Variants in RYR2 observed in about 807,000 individuals in gnomAD.
The protein encoded by RYR2 is cardiac muscle ryanodine receptor-calcium release channel.
A neutral mutation model predicts 601.1 loss-of-function variants in RYR2; 227 were observed. The observed-to-expected ratio is 0.38, with a 90% CI of 0.34 to 0.42. The LOEUF is 0.42. Among genes scored for constraint, RYR2 ranks in the 10% least tolerant of loss-of-function variants. The pLI is 1.00. For synonymous variants in RYR2, 2,223 were observed against 2,175.1 expected (o/e 1.02, Z -0.61); for missense variants, 4,646 against 6,156.5 (o/e 0.75, Z 8.21).
intron 20 of RYR2, among the ~76,000 whole-genome samples, chr1:237,498,161 C>T (rs1664270449): frequency 6.6e-6 from 1 of 152,128 alleles, no homozygotes; most frequent in African/African-American, 2.4e-5. Flanking sequence ...CCACCGTACC[C>T]AGCCTCAATT....
At chr1:237,131,294 T>G (rs1672145780) in intron 1 of RYR2, among the ~76,000 whole-genome samples, 1 of 152,142 alleles carries the variant, frequency 6.6e-6, no homozygotes, top group South Asian at 2.1e-4. Flanking sequence ...AATGGCCTGA[T>G]AGAAGAAAAG....
chr1:237,405,523 G>A (rs61832524), intron 10 of RYR2, among the ~76,000 whole-genome samples: 3 of 152,148 alleles, frequency 2.0e-5, no homozygotes, highest in Non-Finnish European at 4.4e-5. Context: ...GTATGTCTGC[G>A]TGAATTTCAC....
chr1:237,670,292 T>G (rs1256783889), intron 58 of RYR2, among the ~76,000 whole-genome samples: 1 of 102,040 alleles, frequency 9.8e-6, no homozygotes, highest in Non-Finnish European at 1.9e-5. Context: ...AGAGGGAGAC[T>G]GTGGGGAGAG....
chr1:237,678,187 T>A, intron 61 of RYR2, 75 bp downstream of exon 61: 1 of 780,846 alleles, frequency 1.3e-6, no homozygotes, highest in Admixed American at 2.0e-5. Flanking sequence ...TCGTTGCCCT[T>A]TTCAGAACAT....
At chr1:237,527,364 T>C (rs1404451532) in intron 24 of RYR2, among the ~76,000 whole-genome samples, 1 of 152,252 alleles carries the variant, frequency 6.6e-6, no homozygotes, top group African/African-American at 2.4e-5. Flanking sequence ...ACATCTGGAA[T>C]AATGTTTGAC....
In RYR2 at chr1:237,089,960, C is replaced by T. The variant is rs138604897; in HGVS notation, c.48+47391C>T. On this transcript the variant is annotated intron_variant, in intron 1 of 104. Transcript: ENST00000366574. ...TTTATAAGAAAAGAGATTTAATTGA[C>T]TCACAGTTCCACATGGCTGGGGAAG... 4.3e-3 allele frequency among the ~76,000 whole-genome samples: 661 copies of T among 152,300 alleles called. 1 individual carries two copies. The highest frequency in any genetic ancestry group is 0.015 in the African/African-American group (633 of 41,564).
At position 237,614,486 on chromosome 1, in the gene RYR2, C is replaced by A; in HGVS notation, c.5358C>A (p.Ile1786=). The A allele has an allele frequency of 3.1e-6, 5 of 1,614,006 alleles. No individual in the cohort carries two copies. The highest frequency in any genetic ancestry group is 4.2e-6 in the Non-Finnish European group (5 of 1,179,882). ...YQYSPEFPLD[I]LKSKTIQMLT... ...ACAGTCCAGAGTTCCCACTGGACATCCTCAAGTCCAAAACCATACAGATGC... is the reference window on the plus strand; with the variant it reads ...ACAGTCCAGAGTTCCCACTGGACATACTCAAGTCCAAAACCATACAGATGC... The change falls in exon 37 of 105, where the codon ATC becomes ATA. Residue 1786 remains isoleucine (I), a synonymous_variant. Transcript: ENST00000366574. The surrounding 1 kb of genome is among the most constrained non-coding windows in gnomAD (Gnocchi z 4.3).
intron 1 of RYR2, among the ~76,000 whole-genome samples, chr1:237,212,787 T>C (rs1682733828): frequency 6.6e-6 from 1 of 152,122 alleles, no homozygotes; most frequent in African/African-American, 2.4e-5. Flanking sequence ...ATTATTATTA[T>C]TATTTGAGAC....
At chr1:237,575,696 G>A (rs1366648921) in intron 29 of RYR2, among the ~76,000 whole-genome samples, 1 of 152,174 alleles carries the variant, frequency 6.6e-6, no homozygotes, top group East Asian at 1.9e-4. Context: ...TATGAGAAAT[G>A]TAATTACAGA....
At chr1:237,135,223 C>G (rs1672633987) in intron 1 of RYR2, among the ~76,000 whole-genome samples, 1 of 152,038 alleles carries the variant, frequency 6.6e-6, no homozygotes, top group Admixed American at 6.6e-5. Context: ...GCATCACTTT[C>G]CAGTTATCTT....
chr1:237,086,946 T>G (rs777973370), intron 1 of RYR2, among the ~76,000 whole-genome samples: 5 of 152,184 alleles, frequency 3.3e-5, no homozygotes, highest in Non-Finnish European at 5.9e-5. Flanking sequence ...TATTTGAGTA[T>G]GTATATGTCT....
chr1:237,369,662 T>G (rs1700487547), intron 6 of RYR2, 54 bp downstream of exon 6: 1 of 1,417,516 alleles, frequency 7.1e-7, no homozygotes, highest in Non-Finnish European at 9.7e-7. Flanking sequence ...CATTTGGGGG[T>G]ACATGGTCTG....
At chr1:237,374,461 C>T (rs1436145705) in intron 6 of RYR2, among the ~76,000 whole-genome samples, 5 of 152,044 alleles carry the variant, frequency 3.3e-5, no homozygotes, top group African/African-American at 1.2e-4. Context: ...AGTTCAAGGC[C>T]AGCCTGGGCA....
At chr1:237,626,579 T>C (rs1267681602) in intron 40 of RYR2, among the ~76,000 whole-genome samples, 1 of 135,900 alleles carries the variant, frequency 7.4e-6, no homozygotes, top group Non-Finnish European at 1.5e-5. Flanking sequence ...TTTTTCTTTT[T>C]CTTTTTTTTT....
At chr1:237,535,971 G>A (rs1668570580) in intron 25 of RYR2, among the ~76,000 whole-genome samples, 1 of 151,742 alleles carries the variant, frequency 6.6e-6, no homozygotes, top group Non-Finnish European at 1.5e-5. Context: ...TAATCTATAA[G>A]GTAAAATCTC....
At chr1:237,315,321 A>T (rs1222764319) in intron 2 of RYR2, among the ~76,000 whole-genome samples, 8 of 152,112 alleles carry the variant, frequency 5.3e-5, no homozygotes, top group Admixed American at 5.2e-4. Context: ...TGAAGATACT[A>T]TGTTTTTTTT....
chr1:237,680,136 T>C (rs1286032130), intron 61 of RYR2, among the ~76,000 whole-genome samples: 1 of 152,210 alleles, frequency 6.6e-6, no homozygotes, highest in East Asian at 1.9e-4. Flanking sequence ...ACTCAACATA[T>C]GGTAGTTATG....
chr1:237,156,672 A>T (rs926011886), intron 1 of RYR2, among the ~76,000 whole-genome samples: 1 of 152,214 alleles, frequency 6.6e-6, no homozygotes, highest in East Asian at 1.9e-4. Context: ...TATGTATTGA[A>T]TGAAATGCTT....
chr1:237,570,937 G>T, intron 29 of RYR2, among the ~76,000 whole-genome samples: 1 of 152,038 alleles, frequency 6.6e-6, no homozygotes, highest in East Asian at 1.9e-4. Context: ...GACCAGCCTG[G>T]GCAACATAGC....
Sources: gnomAD v4.1 joint callset for allele counts (sites outside exome capture counted in the v4.1 genomes callset) on GRCh38, gnomAD v4.1.1 for gene constraint, Gnocchi (gnomAD v3.1) non-coding constraint, MANE v1.5 for transcripts, NCBI Gene and HGNC (gene_info 2026-07-23, HGNC 2026-07-21) for gene names.